The following TP73 variants were observed in gnomAD, a reference collection of about 807,000 sequenced individuals.
The protein encoded by TP73 is tumor protein p73.
In TP73, 25 loss-of-function variants were observed where a neutral mutation model predicts 62.5. The observed-to-expected ratio is 0.40, with a 90% CI of 0.29 to 0.56. The LOEUF is 0.56. TP73 is among the 20% of genes least tolerant of loss of function. TP73 has a pLI of 0.46. For missense variants in TP73, 754 were observed against 913.3 expected (o/e 0.83, Z 2.25); for synonymous variants, 423 against 377.5 (o/e 1.12, Z -1.40).
chr1:3,655,900 G>A (rs890923531), intron 1 of TP73, among the ~76,000 whole-genome samples: 1 of 152,176 alleles, frequency 6.6e-6, no homozygotes, highest in Non-Finnish European at 1.5e-5. Flanking sequence ...CTACTCAGCC[G>A]GGCGCAGTGG....
intron 4 of TP73, chr1:3,708,219 G>A (rs1178588727): frequency 9.8e-6 from 2 of 204,872 alleles, no homozygotes; most frequent in African/African-American, 4.6e-5. Context: ...CAGGCAGCGA[G>A]ACGCATCTGC....
intron 3 of TP73, among the ~76,000 whole-genome samples, chr1:3,707,306 C>T (rs1458181436): frequency 1.3e-5 from 2 of 152,198 alleles, no homozygotes; most frequent in Non-Finnish European, 2.9e-5. Context: ...GCCTCATCAA[C>T]GGCTGGGTGG....
rs1639188242 is a variant in TP73, at chr1:3,701,747, G to A, written c.187-5802G>A. Reference sequence around the variant, plus strand: ...CAGTCTTGAACTCCGGACCTCAGGTGATCCGCCTGCCTCGTCCTCCCAAAT... The same window carrying A: ...CAGTCTTGAACTCCGGACCTCAGGTAATCCGCCTGCCTCGTCCTCCCAAAT... On this transcript the variant is annotated intron_variant, in intron 3 of 13. Transcript: ENST00000378295. This position sits in a 1 kb window ranked among gnomAD's most constrained non-coding sequence, Gnocchi z 4.7. Among the ~76,000 whole-genome samples, 1 of 152,160 alleles carries A rather than the reference G, an allele frequency of 6.6e-6. No individual in the cohort carries two copies. The highest frequency in any genetic ancestry group is 1.5e-5 in the Non-Finnish European group (1 of 68,026).
Position 3,666,079 on chromosome 1 carries a change from G to A in TP73, c.-34+13438G>A, listed in dbSNP as rs1487096677. The stretch of plus-strand genomic sequence containing the variant: ...GCGGAGTTTGTGGTGAGCTGAGATC[G>A]CACCATTGTACTCCAGCCTGGGCAA... On this transcript the variant is annotated intron_variant, in intron 1 of 13. Coordinates refer to ENST00000378295, the MANE Select transcript of TP73 (RefSeq NM_005427.4). This position sits in a 1 kb window ranked among gnomAD's most constrained non-coding sequence, Gnocchi z 6.4. 1.5e-5 allele frequency among the ~76,000 whole-genome samples: 2 copies of A among 133,298 alleles called. No individual in the cohort carries two copies. Among genetic ancestry groups the A allele is most frequent in the African/African-American group, 5.7e-5 (2 of 34,978 alleles). 87.4% of individuals were successfully genotyped at this position (133,298 alleles called of 152,430 possible).
chr1:3,717,347 G>A (rs552834739), intron 4 of TP73, among the ~76,000 whole-genome samples: 4 of 152,292 alleles, frequency 2.6e-5, no homozygotes, highest in East Asian at 1.9e-4. Context: ...GAGGAGGGTC[G>A]GAGAGGAGCC....
At chr1:3,729,020 G>GAGAC (rs1641910667) in intron 9 of TP73, among the ~76,000 whole-genome samples, 2 of 152,226 alleles carry the variant, frequency 1.3e-5, no homozygotes, top group Non-Finnish European at 2.9e-5. Context: ...GAGAGACAGA[G>GAGAC]AGAGACAGAC....
chr1:3,688,084 G>A (rs1329868079), intron 3 of TP73, among the ~76,000 whole-genome samples: 1 of 152,160 alleles, frequency 6.6e-6, no homozygotes. Context: ...CTCCCTTCCA[G>A]GGAGGATCTG....
intron 8 of TP73, 91 bp from the exon 9 acceptor site, chr1:3,728,038 C>T: frequency 1.4e-6 from 2 of 1,382,216 alleles, no homozygotes; most frequent in Non-Finnish European, 9.9e-7. Context: ...TCGATTGGCC[C>T]CAAGGGTGGG....
At chr1:3,692,115 TGTG>T (rs371372386) in intron 3 of TP73, among the ~76,000 whole-genome samples, 111 of 152,198 alleles carry the variant, frequency 7.3e-4, no homozygotes, top group African/African-American at 2.3e-3. Flanking sequence ...GCCTGTGTGT[TGTG>T]GTGTGTGTAC....
intron 1 of TP73, among the ~76,000 whole-genome samples, chr1:3,660,339 G>A (rs1644963083): frequency 6.6e-6 from 1 of 152,106 alleles, no homozygotes; most frequent in African/African-American, 2.4e-5. Context: ...TCCTCCAACG[G>A]GTTTCATTGG....
At position 3,736,146 on chromosome 1, in the gene TP73, T is replaced by A. The variant is rs1279008330; in HGVS notation, c.*3067T>A. The A allele has an allele frequency of 6.6e-6, 1 of 152,270 alleles. No individual in the cohort carries two copies. The highest frequency in any genetic ancestry group is 1.5e-5 in the Non-Finnish European group (1 of 68,042). 9.4% of individuals were successfully genotyped at this position (152,270 alleles called of 1,614,324 possible). On this transcript the variant is annotated 3_prime_UTR_variant, in exon 14 of 14. Transcript: ENST00000378295. The stretch of plus-strand genomic sequence containing the variant: ...TGGGAAAATGTGTTATTTTTTTAGC[T>A]GTGTTTCAGTGGGGATTTTTGTTTT...
intron 4 of TP73, among the ~76,000 whole-genome samples, chr1:3,720,643 G>A (rs1405954047): frequency 2.0e-5 from 3 of 152,220 alleles, no homozygotes; most frequent in South Asian, 2.1e-4. Flanking sequence ...CGCAGCCTCC[G>A]TCAGCTCCAT....
At chr1:3,682,598 C>A (rs571197940) in intron 2 of TP73, among the ~76,000 whole-genome samples, 168 bp downstream of exon 2, 2 of 152,344 alleles carry the variant, frequency 1.3e-5, no homozygotes, top group South Asian at 2.1e-4. Context: ...AACTTGGCAA[C>A]CCTCACTGGG....
chr1:3,713,503 G>A (rs932849931), intron 4 of TP73, among the ~76,000 whole-genome samples: 17 of 152,104 alleles, frequency 1.1e-4, no homozygotes, highest in African/African-American at 4.1e-4. Flanking sequence ...AAGGTGGGGG[G>A]CTCAGCTGGG....
intron 4 of TP73, among the ~76,000 whole-genome samples, chr1:3,712,719 C>T (rs1311379078): frequency 6.6e-6 from 1 of 152,212 alleles, no homozygotes; most frequent in Non-Finnish European, 1.5e-5. Context: ...GTAGCGTTGG[C>T]AGCAGCATTG....
chr1:3,720,541 C>A (rs748433756), intron 4 of TP73, among the ~76,000 whole-genome samples: 1 of 152,242 alleles, frequency 6.6e-6, no homozygotes, highest in Admixed American at 6.5e-5. Context: ...ATTCGGGGAG[C>A]CCAAGTAGCT....
chr1:3,713,252 C>T (rs1263877255), intron 4 of TP73, among the ~76,000 whole-genome samples: 2 of 152,224 alleles, frequency 1.3e-5, no homozygotes, highest in East Asian at 1.9e-4. Context: ...TGCTCCGAGG[C>T]TGGCGAGCCT....
intron 4 of TP73, among the ~76,000 whole-genome samples, chr1:3,721,049 T>G (rs2146658): frequency 0.73 from 111,062 of 152,186 alleles, 40,881 homozygotes; most frequent in Non-Finnish European, 0.77. Flanking sequence ...TGATGGCCCT[T>G]TGGGGAGAGA....
chr1:3,667,067 A>C (rs1645134858), intron 1 of TP73, among the ~76,000 whole-genome samples: 1 of 152,192 alleles, frequency 6.6e-6, no homozygotes, highest in Non-Finnish European at 1.5e-5. Context: ...TGATGGAGGC[A>C]GAGGTTGGAG....
Sources: gnomAD v4.1 joint callset for allele counts (sites outside exome capture counted in the v4.1 genomes callset) on GRCh38, gnomAD v4.1.1 for gene constraint, Gnocchi (gnomAD v3.1) non-coding constraint, MANE v1.5 for transcripts, NCBI Gene and HGNC (gene_info 2026-07-23, HGNC 2026-07-21) for gene names.